TENM2: variants seen among roughly 807,000 people sequenced by gnomAD.
TENM2 encodes the protein teneurin-2.
Under a neutral mutation model 245.2 loss-of-function variants are expected in TENM2, and 52 were observed. The observed-to-expected ratio is 0.21, with a 90% CI of 0.17 to 0.27. The LOEUF (loss-of-function observed/expected upper bound fraction) is 0.27, where lower values mean the gene tolerates loss of function less well. Among genes scored for constraint, TENM2 ranks in the 10% least tolerant of loss-of-function variants. The probability of loss-of-function intolerance (pLI) is 1.00; values close to 1 mark genes in which losing one functional copy is unlikely to be tolerated. For synonymous variants in TENM2, 1,363 were observed against 1,438.9 expected (o/e 0.95, Z 1.19); for missense variants, 3,046 against 3,666.8 (o/e 0.83, Z 4.37).
At chr5:167,889,189 C>G (rs1774536722) in intron 3 of TENM2, among the ~76,000 whole-genome samples, 1 of 152,014 alleles carries the variant, frequency 6.6e-6, no homozygotes, top group Non-Finnish European at 1.5e-5. Flanking sequence ...AGAAAATGAC[C>G]CCCAAATTTA....
rs1433586017 is a variant in TENM2, at chr5:168,247,096, A to G, written c.6157A>G (p.Asn2053Asp). Residue 2053 changes from asparagine to aspartate, a missense_variant, in exon 27 of 29, where the codon AAC becomes GAC. Physicochemically the swap from Asn to Asp is conservative, Grantham distance 23. This residue lies in a region of TENM2 where 2,704 missense variants were observed against 3,331.9 expected (regional missense o/e 0.81). Coordinates refer to ENST00000518659, the Ensembl canonical transcript of TENM2. The surrounding 1 kb of genome is among the most constrained non-coding windows in gnomAD (Gnocchi z 7.8). ...GACCACTGGTGTCTTGAAGATGGTCAACCTCCAAAGTGGGGGCTTCTCCTG... is the reference window on the plus strand; with the variant it reads ...GACCACTGGTGTCTTGAAGATGGTCGACCTCCAAAGTGGGGGCTTCTCCTG... The G allele has an allele frequency of 6.2e-7, 1 of 1,613,942 alleles. No homozygotes were observed. The highest frequency in any genetic ancestry group is 8.5e-7 in the Non-Finnish European group (1 of 1,179,888).
chr5:167,301,263 G>A (rs1213281452), intron 1 of TENM2, among the ~76,000 whole-genome samples: 1 of 152,202 alleles, frequency 6.6e-6, no homozygotes, highest in African/African-American at 2.4e-5. Context: ...ATTTTTCAGT[G>A]GGGTCCCACA....
intron 2 of TENM2, among the ~76,000 whole-genome samples, chr5:167,462,398 C>T (rs1297817920): frequency 6.6e-6 from 1 of 152,152 alleles, no homozygotes; most frequent in Non-Finnish European, 1.5e-5. Flanking sequence ...TTTAGCTCTT[C>T]TGTTCACAGA....
At chr5:167,894,590 T>C (rs2151479221) in intron 3 of TENM2, among the ~76,000 whole-genome samples, 1 of 152,268 alleles carries the variant, frequency 6.6e-6, no homozygotes, top group South Asian at 2.1e-4. Flanking sequence ...TCATTCACTA[T>C]ACTCAAATAT....
At chr5:167,322,375 T>A (rs769104640) in intron 1 of TENM2, among the ~76,000 whole-genome samples, 66 of 152,258 alleles carry the variant, frequency 4.3e-4, no homozygotes, top group Admixed American at 1.2e-3. Context: ...AGAGAGAATC[T>A]CTGCATTTCC....
the TENM2 span, among the ~76,000 whole-genome samples, chr5:167,044,036 AGAAG>A: frequency 0.047 from 5,978 of 128,498 alleles, 205 homozygotes; most frequent in Middle Eastern, 0.074. Context: ...TAGTAAGGAC[AGAAG>A]GAAGGAAGGA....
chr5:167,449,277 T>TA (rs1396402741), intron 2 of TENM2, among the ~76,000 whole-genome samples: 8 of 152,172 alleles, frequency 5.3e-5, no homozygotes, highest in African/African-American at 1.9e-4. Context: ...AAGCAGATCT[T>TA]ACCTGACAGC....
intron 2 of TENM2, among the ~76,000 whole-genome samples, chr5:167,377,289 T>C (rs1760815357): frequency 6.6e-6 from 1 of 152,192 alleles, no homozygotes; most frequent in Non-Finnish European, 1.5e-5. Context: ...CCCTGCATAC[T>C]GATAAGAAAT....
At chr5:167,509,386 T>C (rs1339935165) in intron 2 of TENM2, among the ~76,000 whole-genome samples, 1 of 152,218 alleles carries the variant, frequency 6.6e-6, no homozygotes, top group Non-Finnish European at 1.5e-5. Flanking sequence ...CTTGAAATAA[T>C]TGAGGACATT....
At chr5:167,893,987 GAAT>G (rs1485407147) in intron 3 of TENM2, among the ~76,000 whole-genome samples, 1 of 151,884 alleles carries the variant, frequency 6.6e-6, no homozygotes, top group African/African-American at 2.4e-5. Context: ...GTCCCATTAT[GAAT>G]AATGAGTCCT....
chr5:167,056,440 T>G, the TENM2 span, among the ~76,000 whole-genome samples: 1 of 146,400 alleles, frequency 6.8e-6, no homozygotes, highest in South Asian at 2.1e-4. Flanking sequence ...ATCTTACCTT[T>G]GTCTTTCTAT....
chr5:167,576,191 T>C (rs1023088661), intron 2 of TENM2, among the ~76,000 whole-genome samples: 1 of 152,200 alleles, frequency 6.6e-6, no homozygotes, highest in African/African-American at 2.4e-5. Flanking sequence ...AATAATTTCA[T>C]TGTAAACTGG....
chr5:168,226,900 C>T (rs1764241739), intron 24 of TENM2, among the ~76,000 whole-genome samples: 2 of 152,124 alleles, frequency 1.3e-5, no homozygotes, highest in Non-Finnish European at 2.9e-5. Flanking sequence ...GGTGGGCTAG[C>T]CCGTTGTCAG....
intron 19 of TENM2, among the ~76,000 whole-genome samples, chr5:168,208,769 C>T (rs1762566795): frequency 6.6e-6 from 1 of 152,114 alleles, no homozygotes; most frequent in Admixed American, 6.5e-5. Flanking sequence ...AAGGGTAGAA[C>T]CCAGATTTTA....
At chr5:167,062,078 T>C in the TENM2 span, among the ~76,000 whole-genome samples, 1 of 152,144 alleles carries the variant, frequency 6.6e-6, no homozygotes, top group Non-Finnish European at 1.5e-5. Context: ...TTAATATTTG[T>C]CATTGTTACC....
the TENM2 span, among the ~76,000 whole-genome samples, chr5:167,182,822 G>A: frequency 7.9e-5 from 12 of 151,958 alleles, no homozygotes; most frequent in African/African-American, 2.2e-4. Flanking sequence ...TAATAACCTC[G>A]TGCTCTTTTG....
chr5:167,116,990 G>A, the TENM2 span, among the ~76,000 whole-genome samples: 13 of 152,154 alleles, frequency 8.5e-5, no homozygotes, highest in African/African-American at 3.1e-4. Context: ...GCAGTTCATG[G>A]TACTTGAAGA....
chr5:167,235,709 C>G, the TENM2 span, among the ~76,000 whole-genome samples: 3 of 152,076 alleles, frequency 2.0e-5, no homozygotes, highest in Non-Finnish European at 4.4e-5. Context: ...ATGGGCAACT[C>G]CAGCAGAAAA....
intron 3 of TENM2, among the ~76,000 whole-genome samples, chr5:167,876,926 A>G (rs1773473562): frequency 1.3e-5 from 2 of 152,180 alleles, no homozygotes; most frequent in East Asian, 1.9e-4. Flanking sequence ...TTAGCTCCCA[A>G]TCTCTGAATC....
Sources: allele counts gnomAD v4.1 joint callset (sites outside exome capture counted in the v4.1 genomes callset), GRCh38; gene constraint gnomAD v4.1.1; regional missense constraint gnomAD v4.1.1; non-coding constraint Gnocchi (gnomAD v3.1); transcripts MANE v1.5; gene names NCBI Gene and HGNC (gene_info 2026-07-23, HGNC 2026-07-21).